STARD13: variants seen among roughly 807,000 people sequenced by gnomAD.
The protein encoded by STARD13 is stAR-related lipid transfer protein 13.
A neutral mutation model predicts 106.4 loss-of-function variants in STARD13; 62 were observed. That is an observed-to-expected ratio of 0.58 (90% CI 0.48 to 0.72). STARD13 has a LOEUF of 0.72. Among genes scored for constraint, STARD13 ranks in the 30% least tolerant of loss-of-function variants. STARD13 has a pLI of 0.00. For missense variants in STARD13, 1,387 were observed against 1,424.0 expected, an observed-to-expected ratio of 0.97 and a Z score of 0.42; for synonymous variants, 565 against 553.0, an observed-to-expected ratio of 1.02 and a Z score of -0.31.
At chr13:33,432,291 A>C in the STARD13 span, among the ~76,000 whole-genome samples, 1 of 152,188 alleles carries the variant, frequency 6.6e-6, no homozygotes, top group African/African-American at 2.4e-5. Context: ...AGATGTTAGA[A>C]AAAGTTAGAA....
chr13:33,543,474 C>T, the STARD13 span, among the ~76,000 whole-genome samples: 1 of 151,738 alleles, frequency 6.6e-6, no homozygotes, highest in African/African-American at 2.4e-5. Context: ...ACACATTTTC[C>T]TTTAATAATG....
chr13:33,462,230 T>C, the STARD13 span, among the ~76,000 whole-genome samples: 1 of 152,232 alleles, frequency 6.6e-6, no homozygotes, highest in Non-Finnish European at 1.5e-5. Flanking sequence ...AAGATTTGTT[T>C]GAATCCTCCC....
the STARD13 span, among the ~76,000 whole-genome samples, chr13:33,457,403 G>C: frequency 2.0e-5 from 3 of 152,124 alleles, no homozygotes; most frequent in African/African-American, 4.8e-5. Flanking sequence ...AGTCCTCAAA[G>C]CCAGAAAAGA....
At chr13:33,151,684 T>C (rs1359474) in intron 3 of STARD13, among the ~76,000 whole-genome samples, 61,139 of 152,060 alleles carry the variant, frequency 0.4, 12,486 homozygotes, top group South Asian at 0.53. Context: ...AGGAGCAATC[T>C]GGTACAATGA....
At chr13:33,561,399 A>G in the STARD13 span, among the ~76,000 whole-genome samples, 1 of 151,558 alleles carries the variant, frequency 6.6e-6, no homozygotes, top group Non-Finnish European at 1.5e-5. Flanking sequence ...TTTTTCCCTG[A>G]TAGACTCTGT....
At chr13:33,212,948 C>A (rs1405268154) in intron 1 of STARD13, among the ~76,000 whole-genome samples, 2 of 152,150 alleles carry the variant, frequency 1.3e-5, no homozygotes, top group African/African-American at 4.8e-5. Flanking sequence ...GTTTTTAGAT[C>A]AAGGCAACCT....
the STARD13 span, among the ~76,000 whole-genome samples, chr13:33,639,225 G>C: frequency 6.6e-6 from 1 of 152,156 alleles, no homozygotes; most frequent in Non-Finnish European, 1.5e-5. Flanking sequence ...GCTTAAGTTC[G>C]AGTGGTCTGA....
chr13:33,272,523 A>AAT (rs1217979495), intron 1 of STARD13: 2 of 152,226 alleles, frequency 1.3e-5, no homozygotes, highest in African/African-American at 4.8e-5. Flanking sequence ...CTTAAAGGTT[A>AAT]ATAAACTCTG....
chr13:33,584,208 T>G, the STARD13 span, among the ~76,000 whole-genome samples: 2,376 of 152,302 alleles, frequency 0.016, 59 homozygotes, highest in African/African-American at 0.054. Flanking sequence ...AAGAAATACC[T>G]GAGATTGGAT....
At chr13:33,438,975 A>G in the STARD13 span, among the ~76,000 whole-genome samples, 1 of 152,252 alleles carries the variant, frequency 6.6e-6, no homozygotes, top group Non-Finnish European at 1.5e-5. Context: ...CAAGTCTAGC[A>G]ATACGCTATC....
chr13:33,324,360 CA>C (rs751797871), intron 1 of STARD13, among the ~76,000 whole-genome samples: 183 of 152,268 alleles, frequency 1.2e-3, no homozygotes, highest in Non-Finnish European at 2.1e-3. Context: ...TCCTACATAA[CA>C]AAAGCTCCTT....
the STARD13 span, among the ~76,000 whole-genome samples, chr13:33,619,114 G>T: frequency 0.17 from 25,481 of 149,394 alleles, 4,538 homozygotes; most frequent in African/African-American, 0.44. Context: ...TCTGAAAACC[G>T]TGGGCATTTC....
chr13:33,574,394 A>G, the STARD13 span, among the ~76,000 whole-genome samples: 1 of 152,218 alleles, frequency 6.6e-6, no homozygotes, highest in African/African-American at 2.4e-5. Flanking sequence ...TTATCAGATT[A>G]TAGATACTTT....
intron 1 of STARD13, among the ~76,000 whole-genome samples, chr13:33,238,156 T>A (rs192162398): frequency 6.6e-6 from 1 of 152,310 alleles, no homozygotes; most frequent in Admixed American, 6.5e-5. Flanking sequence ...ACTCATCCAT[T>A]AATACAGCAC....
chr13:33,271,994 A>G (rs1891190134), intron 1 of STARD13, among the ~76,000 whole-genome samples: 1 of 152,206 alleles, frequency 6.6e-6, no homozygotes, highest in South Asian at 2.1e-4. Context: ...GGGAAAGTTT[A>G]TTTAACTCCT....
chr13:33,263,702 A>G (rs1043459635), intron 1 of STARD13, among the ~76,000 whole-genome samples: 10 of 152,052 alleles, frequency 6.6e-5, no homozygotes, highest in Admixed American at 5.9e-4. Flanking sequence ...TCACCCGAGC[A>G]CTCTCTTCAT....
chr13:33,310,943 A>C (rs768070224), intron 1 of STARD13, among the ~76,000 whole-genome samples: 2 of 152,072 alleles, frequency 1.3e-5, no homozygotes, highest in Non-Finnish European at 2.9e-5. Flanking sequence ...CTGTAACCCA[A>C]TGGTAAGTAT....
At chr13:33,581,390 A>G in the STARD13 span, among the ~76,000 whole-genome samples, 2 of 152,182 alleles carry the variant, frequency 1.3e-5, no homozygotes, top group Admixed American at 1.3e-4. Flanking sequence ...AGTGGGCCCA[A>G]GATCAACTCT....
At chr13:33,585,891 T>A in the STARD13 span, among the ~76,000 whole-genome samples, 1 of 152,226 alleles carries the variant, frequency 6.6e-6, no homozygotes, top group Non-Finnish European at 1.5e-5. Context: ...TAGGCAACTT[T>A]GTGTACAGAG....
Sources: gnomAD v4.1 joint callset for allele counts (sites outside exome capture counted in the v4.1 genomes callset) on GRCh38, gnomAD v4.1.1 for gene constraint, MANE v1.5 for transcripts, NCBI Gene and HGNC (gene_info 2026-07-23, HGNC 2026-07-21) for gene names.